The following D2HGDH variants were observed in gnomAD, a reference collection of about 807,000 sequenced individuals.
The protein encoded by D2HGDH is D-2-hydroxyglutarate dehydrogenase, also known as D-2-hydroxyglutarate dehydrogenase, mitochondrial.
A neutral mutation model predicts 46.9 loss-of-function variants in D2HGDH; 31 were observed. That is an observed-to-expected ratio of 0.66 (90% CI 0.50 to 0.89). The LOEUF is 0.89. Ranked by LOEUF, D2HGDH falls within the 40% of genes least tolerant of loss-of-function variation. The pLI, the probability that D2HGDH is intolerant of heterozygous loss-of-function variation, is 0.00. For missense variants in D2HGDH, 698 were observed against 720.8 expected (o/e 0.97, Z 0.36); for synonymous variants, 364 against 332.6 (o/e 1.09, Z -1.03).
In D2HGDH at chr2:241,768,027, G is replaced by A; in HGVS notation, c.*58G>A. The A allele has an allele frequency of 6.6e-7, 1 of 1,522,598 alleles. No individual in the cohort carries two copies. The highest frequency in any genetic ancestry group is 1.2e-5 in the South Asian group (1 of 82,304). The allele number at this position is 1,522,598 out of a possible 1,614,324, so 94.3% of individuals were successfully genotyped here. ...GGGTCGGCGGGTGGCTCTCGGGCGG[G>A]GGTGTTGCGGTGGCTCTGAGGGATG... On this transcript the variant is annotated 3_prime_UTR_variant, in exon 10 of 10. Transcript: ENST00000321264.
At position 241,741,157 on chromosome 2, in the gene D2HGDH, T is replaced by C. The variant is rs981728696; in HGVS notation, c.350+67T>C. ...CTGTGGGTCATTTCCTCATGGAGCCTGTGGGCAGCTGGGGTGACGCGGTGC... is the reference window on the plus strand; with the variant it reads ...CTGTGGGTCATTTCCTCATGGAGCCCGTGGGCAGCTGGGGTGACGCGGTGC... On this transcript the variant is annotated intron_variant, in intron 3 of 9. Coordinates refer to ENST00000321264, the MANE Select transcript of D2HGDH (RefSeq NM_152783.5). The C allele has an allele frequency of 4.8e-6, 7 of 1,468,570 alleles. No individual in the cohort carries two copies. In the East Asian group the frequency reaches 1.2e-4, roughly 25 times the overall value. The allele number at this position is 1,468,570 out of a possible 1,614,324, so 91.0% of individuals were successfully genotyped here.
In D2HGDH at chr2:241,735,629, C is replaced by T. The variant is rs574199901; in HGVS notation, c.292+113C>T. The T allele has an allele frequency of 3.1e-5, 45 of 1,458,324 alleles. No homozygotes were observed. The South Asian group carries it at 5.2e-4, about 17-fold the overall frequency. The allele number at this position is 1,458,324 out of a possible 1,614,324, so 90.3% of individuals were successfully genotyped here. A position where few individuals can be genotyped will look rare whatever the true frequency, so the allele number is the denominator to read the frequency against. On this transcript the variant is annotated intron_variant, in intron 2 of 9. Transcript: ENST00000321264. The stretch of plus-strand genomic sequence containing the variant: ...CCTGGATGGGGGTGCCAGCCCCTGG[C>T]TGCGCTGAGAGGGGCGTGTGCACCG...
intron 6 of D2HGDH, among the ~76,000 whole-genome samples, chr2:241,747,260 C>T (rs1696101645): frequency 6.6e-6 from 1 of 152,186 alleles, no homozygotes; most frequent in South Asian, 2.1e-4. Flanking sequence ...GTTGTTTCTG[C>T]TGGTTCATGC....
Position 241,750,312 on chromosome 2 carries a change from A to T in D2HGDH, c.997+18A>T. On this transcript the variant is annotated intron_variant, in intron 7 of 9. Transcript: ENST00000321264. Reference sequence around the variant, plus strand: ...GGTGCAAGGTACTGACCCCCCACACAGGGGGCAGCTGGTCCTGCAGCTCCT... The same window carrying T: ...GGTGCAAGGTACTGACCCCCCACACTGGGGGCAGCTGGTCCTGCAGCTCCT... 7.3e-7 allele frequency: 1 copy of T among 1,364,478 alleles called. No homozygotes were observed. The highest frequency in any genetic ancestry group is 9.7e-7 in the Non-Finnish European group (1 of 1,027,480). The allele number at this position is 1,364,478 out of a possible 1,614,324, so 84.5% of individuals were successfully genotyped here.
At chr2:241,736,932 A>T (rs1693034414) in intron 2 of D2HGDH, among the ~76,000 whole-genome samples, 1 of 152,074 alleles carries the variant, frequency 6.6e-6, no homozygotes, top group Non-Finnish European at 1.5e-5. Context: ...AAGTGCTGAG[A>T]TGACAGGCAT....
In D2HGDH at chr2:241,751,400, C is replaced by T. The variant is rs1211593622; in HGVS notation, c.1140+12C>T. 4 of 1,612,850 alleles carry T rather than the reference C, an allele frequency of 2.5e-6. No homozygotes were observed. The highest frequency in any genetic ancestry group is 3.4e-6 in the Non-Finnish European group (4 of 1,179,972). On this transcript the variant is annotated intron_variant, in intron 8 of 9. Coordinates refer to ENST00000321264, the MANE Select transcript of D2HGDH (RefSeq NM_152783.5). ...AGAGGAAAGTCAAGGTGCCCTGTGTCCTGCTTGCAGGTCCCCGCTCTCTGT... is the reference window on the plus strand; with the variant it reads ...AGAGGAAAGTCAAGGTGCCCTGTGTTCTGCTTGCAGGTCCCCGCTCTCTGT...
chr2:241,739,529 G>C (rs1693862272), intron 2 of D2HGDH, among the ~76,000 whole-genome samples: 1 of 152,262 alleles, frequency 6.6e-6, no homozygotes, highest in African/African-American at 2.4e-5. Flanking sequence ...ACCACAGCCT[G>C]GTTCTCAGAG....
At chr2:241,753,217 C>T (rs1042447062) in intron 8 of D2HGDH, among the ~76,000 whole-genome samples, 13 of 152,194 alleles carry the variant, frequency 8.5e-5, no homozygotes, top group Middle Eastern at 6.3e-3. Context: ...GATAGCAAAA[C>T]GACCCTTTCT....
intron 2 of D2HGDH, among the ~76,000 whole-genome samples, chr2:241,739,752 C>T (rs2125045275): frequency 6.6e-6 from 1 of 152,370 alleles, no homozygotes; most frequent in African/African-American, 2.4e-5. Context: ...ACTTATAGCC[C>T]AGTGAATAAA....
At chr2:241,759,827 C>A (rs1698573161) in intron 9 of D2HGDH, among the ~76,000 whole-genome samples, 2 of 152,272 alleles carry the variant, frequency 1.3e-5, no homozygotes, top group Non-Finnish European at 2.9e-5. Flanking sequence ...TGAGGTTAAT[C>A]AGAGTCACTA....
At chr2:241,750,363 GCTCAGAGACCCC>G in intron 7 of D2HGDH, 69 bp downstream of exon 7, 1 of 1,234,832 alleles carries the variant, frequency 8.1e-7, no homozygotes, top group Non-Finnish European at 1.1e-6. Flanking sequence ...ACATGGGACG[GCTCAGAGACCCC>G]GGGTGGGCGG....
intron 8 of D2HGDH, among the ~76,000 whole-genome samples, chr2:241,754,015 G>T (rs2125151469): frequency 6.6e-6 from 1 of 152,344 alleles, no homozygotes; most frequent in South Asian, 2.1e-4. Context: ...ACGGGGTGTG[G>T]GGAGCAGAAC....
intron 3 of D2HGDH, 22 bp downstream of exon 3, chr2:241,741,112 C>A: frequency 6.2e-7 from 1 of 1,609,858 alleles, no homozygotes; most frequent in Non-Finnish European, 8.5e-7. Flanking sequence ...GCTCCCGGCT[C>A]CCCCAGCCTT....
At chr2:241,754,159 G>C (rs1006426003) in intron 8 of D2HGDH, among the ~76,000 whole-genome samples, 1 of 152,222 alleles carries the variant, frequency 6.6e-6, no homozygotes, top group African/African-American at 2.4e-5. Flanking sequence ...GTGGCCACGG[G>C]GACACATGGG....
chr2:241,735,117 C>T lies in D2HGDH; in HGVS notation c.-92-16C>T. 1.7e-6 allele frequency: 2 copies of T among 1,206,364 alleles called. No individual in the cohort carries two copies. Among genetic ancestry groups the T allele is most frequent in the Non-Finnish European group, 2.2e-6 (2 of 908,050 alleles). The allele number at this position is 1,206,364 out of a possible 1,614,324, so 74.7% of individuals were successfully genotyped here. ...CAACGTGCATAAAACATGAAATTAC[C>T]CTTGGCCACTTCCAGGCGCGCAGCC... On this transcript the variant is annotated splice_polypyrimidine_tract_variant and intron_variant, in intron 1 of 9. Coordinates refer to ENST00000321264, the MANE Select transcript of D2HGDH (RefSeq NM_152783.5).
intron 9 of D2HGDH, among the ~76,000 whole-genome samples, chr2:241,760,555 A>G (rs897232881): frequency 6.6e-6 from 1 of 151,322 alleles, no homozygotes; most frequent in African/African-American, 2.4e-5. Flanking sequence ...GGCCTTTGAC[A>G]CAGCGTGGGT....
intron 9 of D2HGDH, among the ~76,000 whole-genome samples, chr2:241,756,253 G>A (rs975698597): frequency 3.0e-4 from 45 of 152,352 alleles, no homozygotes; most frequent in African/African-American, 1.0e-3. Flanking sequence ...ATGGCAGAGC[G>A]CATGGCTCAG....
At chr2:241,761,564 G>A (rs975525652) in intron 9 of D2HGDH, among the ~76,000 whole-genome samples, 5 of 152,150 alleles carry the variant, frequency 3.3e-5, no homozygotes, top group African/African-American at 1.2e-4. Flanking sequence ...ACAGGAGGAT[G>A]TGTGTAGTTT....
chr2:241,735,063 C>G (rs945844120), intron 1 of D2HGDH, 70 bp from the exon 2 acceptor site: 1 of 813,274 alleles, frequency 1.2e-6, no homozygotes. Flanking sequence ...TGCCCCCTCC[C>G]TGCTTCTGCA....
Sources: allele counts gnomAD v4.1 joint callset (sites outside exome capture counted in the v4.1 genomes callset), GRCh38; gene constraint gnomAD v4.1.1; transcripts MANE v1.5; gene names NCBI Gene and HGNC (gene_info 2026-07-23, HGNC 2026-07-21).